TMEM255A: variants seen among roughly 807,000 people sequenced by gnomAD.
TMEM255A encodes family with sequence similarity 70, member A.
Under a neutral mutation model 23.5 loss-of-function variants are expected in TMEM255A, and 14 were observed. The ratio of observed to expected loss-of-function variants is 0.60; its 90% confidence interval spans 0.39 to 0.93. The LOEUF is 0.93. Ranked by LOEUF, TMEM255A falls within the 40% of genes least tolerant of loss-of-function variation. The pLI, the probability that TMEM255A is intolerant of heterozygous loss-of-function variation, is 0.00. For missense variants in TMEM255A, 233 were observed against 261.7 expected, an observed-to-expected ratio of 0.89 and a Z score of 0.76; for synonymous variants, 104 against 100.3, an observed-to-expected ratio of 1.04 and a Z score of -0.22.
chrX:120,273,597 C>A (rs1431879882), intron 7 of TMEM255A: 1 of 116,229 alleles, frequency 8.6e-6, no homozygotes, highest in African/African-American at 3.2e-5. Context: ...ATAAAAAAAT[C>A]TGCAAAAACT....
intron 7 of TMEM255A, among the ~76,000 whole-genome samples, chrX:120,274,445 T>A (rs782517288): frequency 8.9e-6 from 1 of 111,970 alleles, no homozygotes; most frequent in South Asian, 3.8e-4. Context: ...AGGGGGACAG[T>A]GAGGGAAAAC....
At chrX:120,266,359 G>A (rs1429171997) in intron 8 of TMEM255A, among the ~76,000 whole-genome samples, 2 of 106,050 alleles carry the variant, frequency 1.9e-5, no homozygotes, top group South Asian at 4.3e-4. Context: ...CTAGACTAAC[G>A]CAGGGACTGT....
At chrX:120,302,966 C>T (rs1444252301) in intron 2 of TMEM255A, among the ~76,000 whole-genome samples, 1 of 111,390 alleles carries the variant, frequency 9.0e-6, no homozygotes, top group Non-Finnish European at 1.9e-5. Flanking sequence ...ACAAAAAATA[C>T]ATCTGACCTC....
chrX:120,256,673 A>G (rs1556015532), downstream of TMEM255A: 1 of 123,289 alleles, frequency 8.1e-6, no homozygotes, highest in Non-Finnish European at 1.9e-5. Context: ...CTTAGAAAAT[A>G]AAGTTAACAC....
In TMEM255A at chrX:120,268,248, A is replaced by G. The variant is rs1556017933; in HGVS notation, c.815T>C (p.Phe272Ser). The change falls in exon 8 of 9, where the codon TTT becomes TCT. Residue 272 changes from phenylalanine (F) to serine (S), a missense_variant. Coordinates refer to ENST00000371369, the MANE Select transcript of TMEM255A (RefSeq NM_001104544.3). The stretch of plus-strand genomic sequence containing the variant: ...CTTTTTTCTCCCAAAACATACCTGA[A>G]AGTCATAAGCAGAATATGGTGGCAG... ...PHLPPYSAYD[F>S]QHSGVFPSSP... 4.1e-6 allele frequency: 5 copies of G among 1,206,539 alleles called. No individual in the cohort carries two copies. Among genetic ancestry groups the G allele is most frequent in the Non-Finnish European group, 5.6e-6 (5 of 893,625 alleles).
chrX:120,260,242 T>C lies in TMEM255A; in HGVS notation c.*628A>G. 1.3e-6 allele frequency: 1 copy of C among 749,551 alleles called. No individual in the cohort carries two copies. The highest frequency in any genetic ancestry group is 1.6e-6 in the Non-Finnish European group (1 of 634,538). 61.8% of individuals were successfully genotyped at this position (749,551 alleles called of 1,213,427 possible). ...CTGAAGATGCAAGAATATTGCACTT[T>C]TCCCTTTAGGAGGTACCAATAACAA... On this transcript the variant is annotated 3_prime_UTR_variant, in exon 9 of 9. Coordinates refer to ENST00000371369, the MANE Select transcript of TMEM255A (RefSeq NM_001104544.3).
At chrX:120,281,561 C>T (rs1450712234) in intron 6 of TMEM255A, among the ~76,000 whole-genome samples, 1 of 112,568 alleles carries the variant, frequency 8.9e-6, no homozygotes, top group East Asian at 2.8e-4. Flanking sequence ...TTCAATCTCC[C>T]TGGCAAATTG....
chrX:120,300,929 C>T (rs112804149), intron 2 of TMEM255A, among the ~76,000 whole-genome samples: 2 of 109,635 alleles, frequency 1.8e-5, no homozygotes, highest in African/African-American at 6.6e-5. Flanking sequence ...ACCACGTTGC[C>T]CAGGCTGGAC....
chrX:120,308,993 G>T (rs782037787), intron 1 of TMEM255A, among the ~76,000 whole-genome samples: 1 of 112,621 alleles, frequency 8.9e-6, no homozygotes, highest in African/African-American at 3.2e-5. Context: ...TGCCCTTGGA[G>T]GCTGAAACAC....
intron 6 of TMEM255A, among the ~76,000 whole-genome samples, chrX:120,281,917 C>G (rs782528222): frequency 1.1e-3 from 120 of 111,902 alleles, no homozygotes; most frequent in African/African-American, 3.8e-3. Context: ...AACCTCAACA[C>G]CCCTGACGTC....
chrX:120,295,304 A>C (rs782269941), intron 2 of TMEM255A, among the ~76,000 whole-genome samples: 5 of 111,219 alleles, frequency 4.5e-5, no homozygotes, highest in Admixed American at 1.9e-4. Context: ...CATCTATTTC[A>C]ATTTGAGACC....
In TMEM255A at chrX:120,270,478, A is replaced by G. The variant is rs1275874347; in HGVS notation, c.676-2091T>C. Among the ~76,000 whole-genome samples, 4 of 110,400 alleles carry G rather than the reference A, an allele frequency of 3.6e-5. No individual in the cohort carries two copies. In the East Asian group the frequency reaches 1.1e-3, roughly 31 times the overall value. On this transcript the variant is annotated intron_variant, in intron 7 of 8. Coordinates refer to ENST00000371369, the MANE Select transcript of TMEM255A (RefSeq NM_001104544.3). ...TGGACAAAACTGAGTCTATTCTGAG[A>G]CAATGATTGTGGACTTTGGAAAGAA...
intron 7 of TMEM255A, among the ~76,000 whole-genome samples, chrX:120,268,909 A>G (rs1452364182): frequency 8.9e-6 from 1 of 112,022 alleles, no homozygotes; most frequent in Non-Finnish European, 1.9e-5. Flanking sequence ...CATCAAATAG[A>G]GAAGGCCGAA....
intron 2 of TMEM255A, among the ~76,000 whole-genome samples, chrX:120,296,924 AATATTAT>A (rs1361175920): frequency 0.026 from 32 of 1,210 alleles, 6 homozygotes; most frequent in African/African-American, 0.11. Flanking sequence ...TATTATATAT[AATATTAT>A]ATATATAATA....
At chrX:120,285,420 A>G (rs1261531743) in intron 5 of TMEM255A, among the ~76,000 whole-genome samples, 1 of 111,584 alleles carries the variant, frequency 9.0e-6, no homozygotes, top group Non-Finnish European at 1.9e-5. Context: ...GCTCATGTCC[A>G]GCCTCTGCCA....
downstream of TMEM255A, chrX:120,253,842 G>C (rs1038433335): frequency 3.3e-6 from 4 of 1,209,187 alleles, no homozygotes; most frequent in Non-Finnish European, 4.5e-6. Flanking sequence ...TCCTGATTCT[G>C]GTGACAAGAA....
chrX:120,307,998 C>T (rs1481214383), intron 1 of TMEM255A, among the ~76,000 whole-genome samples: 7 of 111,883 alleles, frequency 6.3e-5, no homozygotes, highest in African/African-American at 1.6e-4. Flanking sequence ...TTCTCTCATC[C>T]GGGTATTCCC....
intron 4 of TMEM255A, 98 bp downstream of exon 4, chrX:120,291,153 C>G: frequency 2.8e-6 from 2 of 705,260 alleles, no homozygotes; most frequent in Non-Finnish European, 4.4e-6. Context: ...TCATGTAACC[C>G]TCATGACACT....
chrX:120,268,142 T>C, intron 8 of TMEM255A, 102 bp downstream of exon 8: 1 of 956,246 alleles, frequency 1.0e-6, no homozygotes, highest in South Asian at 2.8e-5. Context: ...CTCATACATA[T>C]GCAGACAATG....
Sources: gnomAD v4.1 joint callset for allele counts (sites outside exome capture counted in the v4.1 genomes callset) on GRCh38, gnomAD v4.1.1 for gene constraint, MANE v1.5 for transcripts, NCBI Gene and HGNC (gene_info 2026-07-23, HGNC 2026-07-21) for gene names.